ABCC9: variants seen among roughly 807,000 people sequenced by gnomAD.
ABCC9 encodes ATP binding cassette subfamily C member 9.
In ABCC9, 95 loss-of-function variants were observed where a neutral mutation model predicts 188.3. That is an observed-to-expected ratio of 0.50 (90% CI 0.43 to 0.60). The LOEUF is 0.60. ABCC9 is among the 20% of genes least tolerant of loss of function. The pLI, the probability that ABCC9 is intolerant of heterozygous loss-of-function variation, is 0.00. For missense variants in ABCC9, 1,102 were observed against 1,876.3 expected, an observed-to-expected ratio of 0.59 and a Z score of 7.62; for synonymous variants, 659 against 652.7, an observed-to-expected ratio of 1.01 and a Z score of -0.15.
intron 15 of ABCC9, among the ~76,000 whole-genome samples, chr12:21,883,179 T>C (rs539485598): frequency 6.6e-6 from 1 of 152,378 alleles, no homozygotes. Context: ...GGATGGATTA[T>C]GCCCAGGCAA....
chr12:21,883,743 A>G (rs1319523464), intron 15 of ABCC9, among the ~76,000 whole-genome samples: 2 of 152,132 alleles, frequency 1.3e-5, no homozygotes, highest in East Asian at 1.9e-4. Flanking sequence ...TTGTCCAAAG[A>G]TATTACAGTG....
At chr12:21,846,535 T>C (rs1002951356) in intron 25 of ABCC9, among the ~76,000 whole-genome samples, 4 of 152,192 alleles carry the variant, frequency 2.6e-5, no homozygotes, top group Admixed American at 6.6e-5. Context: ...TACTATACTA[T>C]ATACATATCA....
chr12:21,821,052 A>G (rs937753103), intron 31 of ABCC9, among the ~76,000 whole-genome samples: 10 of 152,310 alleles, frequency 6.6e-5, no homozygotes, highest in African/African-American at 2.4e-4. Flanking sequence ...GTAAATGACT[A>G]GATAAATTCA....
intron 5 of ABCC9, among the ~76,000 whole-genome samples, chr12:21,921,154 T>C (rs1948802361): frequency 6.6e-6 from 1 of 152,132 alleles, no homozygotes; most frequent in Non-Finnish European, 1.5e-5. Context: ...CAAACTGTTC[T>C]TCATAGTGGT....
chr12:21,905,860 A>G (rs552625978), intron 12 of ABCC9, among the ~76,000 whole-genome samples: 1 of 152,278 alleles, frequency 6.6e-6, no homozygotes, highest in Non-Finnish European at 1.5e-5. Context: ...TTCAGTTTGT[A>G]GAGTAACATG....
At chr12:21,918,666 C>G (rs1329784274) in intron 5 of ABCC9, among the ~76,000 whole-genome samples, 1 of 152,018 alleles carries the variant, frequency 6.6e-6, no homozygotes, top group Non-Finnish European at 1.5e-5. Context: ...TTCTCTATTC[C>G]AGGTTCTCAC....
chr12:21,923,596 C>T, intron 5 of ABCC9: 1 of 520,608 alleles, frequency 1.9e-6, no homozygotes, highest in African/African-American at 1.9e-5. Flanking sequence ...AGTACACACC[C>T]ACTAGCATGA....
At position 21,859,602 on chromosome 12, in the gene ABCC9, G is replaced by A; in HGVS notation, c.2489C>T (p.Thr830Ile). The A allele has an allele frequency of 6.2e-7, 1 of 1,613,850 alleles. No individual in the cohort carries two copies. The highest frequency in any genetic ancestry group is 8.5e-7 in the Non-Finnish European group (1 of 1,179,824). ...TATTCTTACCAAAAAGACAATGTTGGTGTTTTGATACAGCGCTCGTGCCAC... is the reference window on the plus strand; with the variant it reads ...TATTCTTACCAAAAAGACAATGTTGATGTTTTGATACAGCGCTCGTGCCAC... The part of the protein sequence containing the change: ...ICVARALYQN[T>I]NIVFLDDPFS... The change falls in exon 22 of 40, where the codon ACC becomes ATC. Residue 830 changes from threonine to isoleucine, a missense_variant. Thr to Ile is a moderately conservative substitution (Grantham distance 89). This residue lies in a region of ABCC9 where 31 missense variants were observed against 78.8 expected (regional missense o/e 0.39). Transcript: ENST00000261200.
At chr12:21,910,433 C>A in intron 9 of ABCC9, 121 bp from the exon 10 acceptor site, 1 of 991,256 alleles carries the variant, frequency 1.0e-6, no homozygotes, top group Non-Finnish European at 1.5e-6. Flanking sequence ...AAGAAAAATT[C>A]TATAGGATCA....
intron 30 of ABCC9, among the ~76,000 whole-genome samples, chr12:21,829,357 A>T (rs930970177): frequency 3.3e-5 from 5 of 151,626 alleles, no homozygotes; most frequent in Admixed American, 1.3e-4. Context: ...ACCCGCCACC[A>T]TGCCCGGCTA....
At chr12:21,807,234 T>A (rs1941919906) in intron 38 of ABCC9, 112 bp downstream of exon 38, 2 of 1,439,812 alleles carry the variant, frequency 1.4e-6, no homozygotes, top group African/African-American at 1.4e-5. Context: ...TTGAGCAGAT[T>A]CTCAAAACAA....
At position 21,845,673 on chromosome 12, in the gene ABCC9, A is replaced by G; in HGVS notation, c.3026T>C (p.Val1009Ala). ...FSKLLKHSVI[V>A]AIDYWLATWT... Reference sequence around the variant, plus strand: ...TGTGGCCAGCCAATAGTCTATAGCTACAATGACCGAATGCTTCAAAAGCTT... The same window carrying G: ...TGTGGCCAGCCAATAGTCTATAGCTGCAATGACCGAATGCTTCAAAAGCTT... The change falls in exon 26 of 40, where the codon GTA becomes GCA. Residue 1009 changes from valine to alanine, a missense_variant. Transcript: ENST00000261200. 1 of 1,613,928 alleles carries G rather than the reference A, an allele frequency of 6.2e-7. No homozygotes were observed. The highest frequency in any genetic ancestry group is 8.5e-7 in the Non-Finnish European group (1 of 1,179,836).
Position 21,801,008 on chromosome 12 carries a change from T to G in ABCC9, c.*36A>C. On this transcript the variant is annotated 3_prime_UTR_variant, in exon 40 of 40. Coordinates refer to ENST00000261200, the MANE Select transcript of ABCC9 (RefSeq NM_020297.4). ...ATCCATTAATTAGGTTATGACTGCATTATTTTAAATACATGTATTGTTTTA... is the reference window on the plus strand; with the variant it reads ...ATCCATTAATTAGGTTATGACTGCAGTATTTTAAATACATGTATTGTTTTA... 1 of 1,612,492 alleles carries G rather than the reference T, an allele frequency of 6.2e-7. No homozygotes were observed. Among genetic ancestry groups the G allele is most frequent in the East Asian group, 2.2e-5 (1 of 44,832 alleles).
intron 14 of ABCC9, among the ~76,000 whole-genome samples, chr12:21,892,344 C>T (rs1240299909): frequency 6.6e-6 from 1 of 152,084 alleles, no homozygotes; most frequent in Non-Finnish European, 1.5e-5. Context: ...TGCAAGTTAT[C>T]AACTGCTTTT....
At chr12:21,902,159 A>T (rs1432610444) in intron 12 of ABCC9, among the ~76,000 whole-genome samples, 2 of 152,238 alleles carry the variant, frequency 1.3e-5, no homozygotes, top group East Asian at 3.8e-4. Context: ...AAAACCGCTC[A>T]ACTACATGGA....
chr12:21,831,811 CTG>C (rs1167811921), intron 30 of ABCC9, among the ~76,000 whole-genome samples: 6 of 152,176 alleles, frequency 3.9e-5, no homozygotes, highest in Non-Finnish European at 8.8e-5. Flanking sequence ...CCCTAGAGGA[CTG>C]TGTGATGGAG....
At chr12:21,906,037 G>C in intron 12 of ABCC9, 89 bp downstream of exon 12, 1 of 1,424,050 alleles carries the variant, frequency 7.0e-7, no homozygotes. Context: ...GAACTAGAAT[G>C]TTTCATTGAT....
At chr12:21,836,306 A>G (rs933915292) in intron 30 of ABCC9, among the ~76,000 whole-genome samples, 2 of 152,188 alleles carry the variant, frequency 1.3e-5, no homozygotes, top group Non-Finnish European at 2.9e-5. Context: ...TTATTTAAAG[A>G]TACTTATCAA....
intron 6 of ABCC9, 62 bp downstream of exon 6, chr12:21,916,875 T>TA: frequency 2.7e-6 from 4 of 1,456,646 alleles, no homozygotes; most frequent in Non-Finnish European, 3.7e-6. Context: ...TCTAGCTAAC[T>TA]GTAATCTTTC....
Sources: allele counts gnomAD v4.1 joint callset (sites outside exome capture counted in the v4.1 genomes callset), GRCh38; gene constraint gnomAD v4.1.1; regional missense constraint gnomAD v4.1.1; transcripts MANE v1.5; gene names NCBI Gene and HGNC (gene_info 2026-07-23, HGNC 2026-07-21).